Variants in OSBPL10 observed in about 807,000 individuals in gnomAD.
The protein encoded by OSBPL10 is oxysterol-binding protein-related protein 10.
A neutral mutation model predicts 81.7 loss-of-function variants in OSBPL10; 49 were observed. The ratio of observed to expected loss-of-function variants is 0.60; its 90% CI spans 0.48 to 0.76. The LOEUF (loss-of-function observed/expected upper bound fraction) is 0.76. OSBPL10 is among the 30% of genes least tolerant of loss of function. The pLI is 0.00. For synonymous variants in OSBPL10, 419 were observed against 383.6 expected, an observed-to-expected ratio of 1.09 and a Z score of -1.08; for missense variants, 923 against 987.8, an observed-to-expected ratio of 0.93 and a Z score of 0.88.
chr3:32,028,927 G>GACACAC (rs58442955), intron 2 of OSBPL10, among the ~76,000 whole-genome samples: 1,681 of 105,322 alleles, frequency 0.016, 41 homozygotes, highest in African/African-American at 0.03. Context: ...AGCTAGTCAG[G>GACACAC]ACACACACAC....
intron 10 of OSBPL10, among the ~76,000 whole-genome samples, chr3:31,667,391 T>A (rs1700217848): frequency 6.6e-6 from 1 of 152,270 alleles, no homozygotes; most frequent in Non-Finnish European, 1.5e-5. Flanking sequence ...AAGAGTGTAC[T>A]AATTCTACAG....
chr3:32,071,279 G>A (rs529947945), intron 1 of OSBPL10, among the ~76,000 whole-genome samples: 1 of 152,234 alleles, frequency 6.6e-6, no homozygotes, highest in East Asian at 1.9e-4. Flanking sequence ...TCCTTCCTGG[G>A]CATGGTTGGA....
At chr3:31,834,214 T>C (rs1472555897) in intron 3 of OSBPL10, among the ~76,000 whole-genome samples, 1 of 152,218 alleles carries the variant, frequency 6.6e-6, no homozygotes, top group African/African-American at 2.4e-5. Flanking sequence ...AAAGCCTATC[T>C]TCGCTATTAA....
chr3:31,668,771 T>C lies in OSBPL10; in HGVS notation c.1967A>G (p.His656Arg), dbSNP rs777141672. 8.7e-6 allele frequency: 14 copies of C among 1,614,072 alleles called. No homozygotes were observed. Among genetic ancestry groups the C allele is most frequent in the Middle Eastern group, 1.6e-4 (1 of 6,062 alleles). ...CTCTAAAGTACCATTCCATTCCCCATGGGCTTTACAAACAATGGTGTTGGT... is the reference window on the plus strand; with the variant it reads ...CTCTAAAGTACCATTCCATTCCCCACGGGCTTTACAAACAATGGTGTTGGT... ...NPTNTIVCKA[H>R]GEWNGTLEFT... The change falls in exon 10 of 12, where the codon CAT becomes CGT. Residue 656 changes from histidine to arginine, a missense_variant. By Grantham distance (29) the His-to-Arg change is conservative. This residue lies in a region of OSBPL10 where 387 missense variants were observed against 436.3 expected (regional missense o/e 0.89). Transcript: ENST00000396556.
chr3:31,786,348 G>T (rs1223554881), intron 4 of OSBPL10, among the ~76,000 whole-genome samples: 4 of 152,076 alleles, frequency 2.6e-5, no homozygotes, highest in African/African-American at 9.7e-5. Flanking sequence ...TTTGAGTCAC[G>T]TTTTAAAAAG....
intron 1 of OSBPL10, among the ~76,000 whole-genome samples, chr3:31,958,788 T>C (rs1312167147): frequency 6.6e-6 from 1 of 152,196 alleles, no homozygotes; most frequent in East Asian, 1.9e-4. Flanking sequence ...CCACTTATTT[T>C]AGCAAATAAG....
At chr3:32,005,017 G>T (rs1699189935) in intron 2 of OSBPL10, among the ~76,000 whole-genome samples, 1 of 152,088 alleles carries the variant, frequency 6.6e-6, no homozygotes, top group Non-Finnish European at 1.5e-5. Context: ...TACAGAAGTG[G>T]TATCACACCG....
chr3:31,683,707 C>T lies in OSBPL10; in HGVS notation c.1653G>A (p.Leu551=). The T allele has an allele frequency of 2.5e-6, 4 of 1,614,184 alleles. No homozygotes were observed. Among genetic ancestry groups the T allele is most frequent in the Non-Finnish European group, 3.4e-6 (4 of 1,180,030 alleles). The change falls in exon 8 of 12, where the codon CTG becomes CTA. Residue 551 remains leucine, a synonymous_variant. Transcript: ENST00000396556. The stretch of plus-strand genomic sequence containing the variant: ...TGGTCCATACATGAGTGTTGACGCA[C>T]AGTCTCTTCTCCTCGCACTCACAGT... ...CFYCECEEKR[L]CVNTHVWTKS...
intron 1 of OSBPL10, among the ~76,000 whole-genome samples, chr3:31,911,640 C>G (rs1433545780): frequency 6.7e-6 from 1 of 150,190 alleles, no homozygotes; most frequent in South Asian, 2.1e-4. Context: ...AAAAAAAAAA[C>G]TCATGTTTTA....
At chr3:31,933,596 G>A (rs919775385) in intron 1 of OSBPL10, among the ~76,000 whole-genome samples, 5 of 151,776 alleles carry the variant, frequency 3.3e-5, no homozygotes, top group Admixed American at 6.6e-5. Flanking sequence ...TGGCAGAGAC[G>A]GTGGGCTCTC....
At chr3:31,868,938 T>C (rs1701249565) in intron 3 of OSBPL10, among the ~76,000 whole-genome samples, 1 of 152,188 alleles carries the variant, frequency 6.6e-6, no homozygotes, top group South Asian at 2.1e-4. Flanking sequence ...TTGAAAATAA[T>C]AAGGCCTATC....
chr3:31,871,156 G>A (rs978878755), intron 3 of OSBPL10, among the ~76,000 whole-genome samples: 2 of 152,042 alleles, frequency 1.3e-5, no homozygotes, highest in Admixed American at 1.3e-4. Context: ...TTGTTCTTTC[G>A]CTCTTTGCAA....
At chr3:31,961,603 ATTTAT>A (rs1376772760) in intron 1 of OSBPL10, among the ~76,000 whole-genome samples, 1 of 151,822 alleles carries the variant, frequency 6.6e-6, no homozygotes, top group East Asian at 1.9e-4. Context: ...TTTGTATTTT[ATTTAT>A]TTATTTTTTA....
chr3:31,774,083 A>G (rs1400389225), intron 4 of OSBPL10, among the ~76,000 whole-genome samples: 1 of 150,634 alleles, frequency 6.6e-6, no homozygotes. Context: ...AATCGCTTGA[A>G]CCTGGGAGGC....
chr3:31,956,073 T>C lies in OSBPL10; in HGVS notation c.281+24826A>G, dbSNP rs778501550. Reference sequence around the variant, plus strand: ...AAACATGTAGCATTGATCTTGGTTCTCCCAGAAACACTGCAAAACCCTCTA... The same window carrying C: ...AAACATGTAGCATTGATCTTGGTTCCCCCAGAAACACTGCAAAACCCTCTA... On this transcript the variant is annotated intron_variant, in intron 1 of 11. Coordinates refer to ENST00000396556, the MANE Select transcript of OSBPL10 (RefSeq NM_017784.5). Among the ~76,000 whole-genome samples the C allele has an allele frequency of 2.0e-5, 3 of 152,222 alleles. 1 individual carries two copies. The highest frequency in any genetic ancestry group is 4.1e-4 in the South Asian group (2 of 4,836).
At chr3:31,819,328 A>G (rs2125502115) in intron 4 of OSBPL10, among the ~76,000 whole-genome samples, 1 of 152,326 alleles carries the variant, frequency 6.6e-6, no homozygotes, top group East Asian at 1.9e-4. Context: ...CTGAGCACCT[A>G]CTTTGTGCTA....
At chr3:31,803,596 T>C (rs1410593724) in intron 4 of OSBPL10, among the ~76,000 whole-genome samples, 1 of 152,248 alleles carries the variant, frequency 6.6e-6, no homozygotes, top group Non-Finnish European at 1.5e-5. Context: ...AAAGTAGTTA[T>C]TCAAATGAAG....
intron 2 of OSBPL10, among the ~76,000 whole-genome samples, chr3:31,994,499 T>C (rs997567081): frequency 7.5e-5 from 11 of 146,454 alleles, no homozygotes; most frequent in African/African-American, 2.7e-4. Flanking sequence ...AAAGGATGGA[T>C]GGATGGATGG....
intron 4 of OSBPL10, among the ~76,000 whole-genome samples, chr3:31,782,275 C>G (rs1419287575): frequency 1.3e-5 from 2 of 152,134 alleles, no homozygotes; most frequent in African/African-American, 2.4e-5. Context: ...TCACCTTACA[C>G]AAAAATCAAC....
Sources: allele counts gnomAD v4.1 joint callset (sites outside exome capture counted in the v4.1 genomes callset), GRCh38; gene constraint gnomAD v4.1.1; regional missense constraint gnomAD v4.1.1; transcripts MANE v1.5; gene names NCBI Gene and HGNC (gene_info 2026-07-23, HGNC 2026-07-21).